The following SELENOP variants were observed in gnomAD, a reference collection of about 807,000 sequenced individuals.
SELENOP encodes selenoprotein P, plasma, 1.
Under a neutral mutation model 41.0 loss-of-function variants are expected in SELENOP, and 36 were observed. That is an observed-to-expected ratio of 0.88 (90% confidence interval 0.67 to 1.16). The LOEUF is 1.16. Ranked by LOEUF, SELENOP falls within the 50% of genes most tolerant of loss-of-function variation. The pLI is 0.00. For synonymous variants in SELENOP, 144 were observed against 150.8 expected, an observed-to-expected ratio of 0.95 and a Z score of 0.33; for missense variants, 440 against 454.2, an observed-to-expected ratio of 0.97 and a Z score of 0.28.
Position 42,802,378 on chromosome 5 carries a change from G to C in SELENOP, c.535-1047C>G, listed in dbSNP as rs1760226930. 4 of 152,148 alleles carry C rather than the reference G, an allele frequency of 2.6e-5. No homozygotes were observed. The South Asian group carries it at 6.2e-4, about 24-fold the overall frequency. 9.4% of individuals were successfully genotyped at this position (152,148 alleles called of 1,614,324 possible). ...AACCCAAAGACTCACTAAGTGATAT[G>C]CTTTTGATGTTTTGAAGGTTTTAAA... On this transcript the variant is annotated intron_variant, in intron 4 of 4. Transcript: ENST00000514985.
intron 1 of SELENOP, among the ~76,000 whole-genome samples, chr5:42,808,631 G>A (rs976150196): frequency 1.3e-5 from 2 of 152,038 alleles, no homozygotes; most frequent in African/African-American, 4.8e-5. Context: ...GGGATAGGCC[G>A]GGTGTGGTGG....
intron 3 of SELENOP, chr5:42,806,655 G>A (rs983126741): frequency 1.7e-5 from 5 of 300,250 alleles, no homozygotes; most frequent in Non-Finnish European, 2.5e-5. Context: ...AGAAAGAAGA[G>A]GAAGGATATG....
chr5:42,802,023 T>G (rs1048295817), intron 4 of SELENOP: 7 of 152,358 alleles, frequency 4.6e-5, no homozygotes, highest in African/African-American at 1.7e-4. Flanking sequence ...AATCTAATAT[T>G]ATCTCTGATA....
chr5:42,809,600 G>A (rs1360799229), intron 1 of SELENOP, among the ~76,000 whole-genome samples: 3 of 152,166 alleles, frequency 2.0e-5, no homozygotes, highest in African/African-American at 7.2e-5. Context: ...TTCTTTGGAG[G>A]TGGGGAGCTA....
At chr5:42,803,327 G>A (rs952408853) in intron 4 of SELENOP, among the ~76,000 whole-genome samples, 3 of 151,982 alleles carry the variant, frequency 2.0e-5, no homozygotes, top group Admixed American at 6.5e-5. Context: ...ATTATAATTA[G>A]TATTTATTAA....
Position 42,801,339 on chromosome 5 carries a change from A to C in SELENOP, c.535-8T>G. On this transcript the variant is annotated splice_region_variant and splice_polypyrimidine_tract_variant and intron_variant, in intron 4 of 4. Coordinates refer to ENST00000514985, the MANE Select transcript of SELENOP (RefSeq NM_005410.4). Reference sequence around the variant, plus strand: ...GTCTTCATCTTTGAGAGTCTGGAACAAATTTATAAATCACTTTTTAACAAG... The same window carrying C: ...GTCTTCATCTTTGAGAGTCTGGAACCAATTTATAAATCACTTTTTAACAAG... 6.3e-7 allele frequency: 1 copy of C among 1,582,344 alleles called. No individual in the cohort carries two copies. Among genetic ancestry groups the C allele is most frequent in the Non-Finnish European group, 8.6e-7 (1 of 1,165,876 alleles).
chr5:42,807,419 A>C lies in SELENOP; in HGVS notation c.204-311T>G, dbSNP rs571173210. Reference sequence around the variant, plus strand: ...TGGATTCAACCAACCACAGATAAAAAATGGTTGGAAAAAAAAAGATGGCTG... The same window carrying C: ...TGGATTCAACCAACCACAGATAAAACATGGTTGGAAAAAAAAAGATGGCTG... On this transcript the variant is annotated intron_variant, in intron 2 of 4. Transcript: ENST00000514985. 11 of 176,276 alleles carry C rather than the reference A, an allele frequency of 6.2e-5. No individual in the cohort carries two copies. The South Asian group carries it at 1.6e-3, about 25-fold the overall frequency. The allele number at this position is 176,276 out of a possible 1,614,324, so 10.9% of individuals were successfully genotyped here. A position where few individuals can be genotyped will look rare whatever the true frequency, so the allele number is the denominator to read the frequency against.
At chr5:42,804,828 ACT>A in intron 3 of SELENOP, 55 bp from the exon 4 acceptor site, 1 of 1,119,974 alleles carries the variant, frequency 8.9e-7, no homozygotes, top group Non-Finnish European at 1.3e-6. Flanking sequence ...TCACGATCCT[ACT>A]CAAATACAGT....
At chr5:42,807,551 G>A (rs1760360012) in intron 2 of SELENOP, 1 of 159,134 alleles carries the variant, frequency 6.3e-6, no homozygotes, top group Non-Finnish European at 1.4e-5. Context: ...GGTATTATAA[G>A]TAATCTAGAG....
At chr5:42,804,622 CTT>C (rs775287160) in intron 4 of SELENOP, 32 bp downstream of exon 4, 157 of 1,261,396 alleles carry the variant, frequency 1.2e-4, no homozygotes, top group Non-Finnish European at 1.6e-4. Context: ...AAGATTTCCT[CTT>C]TTCTCCCCAG....
At chr5:42,801,852 G>C (rs1435220784) in intron 4 of SELENOP, 1 of 153,380 alleles carries the variant, frequency 6.5e-6, no homozygotes, top group Non-Finnish European at 1.5e-5. Context: ...GCAAGATGGA[G>C]GTTGCAGTGA....
intron 3 of SELENOP, 173 bp from the exon 4 acceptor site, chr5:42,804,946 C>G: frequency 2.3e-6 from 1 of 437,562 alleles, no homozygotes; most frequent in Non-Finnish European, 4.1e-6. Flanking sequence ...TACTGCACAC[C>G]AGGTCAGGTC....
chr5:42,802,037 C>T (rs889790827), intron 4 of SELENOP: 4 of 152,180 alleles, frequency 2.6e-5, no homozygotes, highest in African/African-American at 9.7e-5. Context: ...TCTGATAATT[C>T]AAAAATGCTA....
intron 4 of SELENOP, 49 bp from the exon 5 acceptor site, chr5:42,801,380 A>G (rs376734713): frequency 1.5e-6 from 2 of 1,349,752 alleles, no homozygotes; most frequent in African/African-American, 2.9e-5. Context: ...AGAGATAGGA[A>G]TAATGCGTGA....
chr5:42,806,842 A>G lies in SELENOP; in HGVS notation c.416+54T>C, dbSNP rs1043709122. 1.1e-5 allele frequency: 11 copies of G among 987,144 alleles called. No individual in the cohort carries two copies. In the South Asian group the frequency reaches 1.3e-4, roughly 12 times the overall value. The allele number at this position is 987,144 out of a possible 1,614,324, so 61.1% of individuals were successfully genotyped here. On this transcript the variant is annotated intron_variant, in intron 3 of 4. Coordinates refer to ENST00000514985, the MANE Select transcript of SELENOP (RefSeq NM_005410.4). ...TATGTGTGATGGGAAGTAAATAAAT[A>G]GATACGAAACAGTTATTTTTAAATT...
chr5:42,802,256 C>G (rs1226452107), intron 4 of SELENOP: 4 of 152,096 alleles, frequency 2.6e-5, no homozygotes, highest in African/African-American at 9.7e-5. Flanking sequence ...TTTTGTGGTA[C>G]CTACTAATCA....
Position 42,800,829 on chromosome 5 carries a change from C to T in SELENOP, c.1037G>A (p.Arg346His), listed in dbSNP as rs760084196. 2.4e-5 allele frequency: 39 copies of T among 1,614,088 alleles called. No individual in the cohort carries two copies. The highest frequency in any genetic ancestry group is 6.6e-5 in the South Asian group (6 of 91,088). The part of the protein sequence containing the change: ...EENITESCQU[R>H]LPPAAUQISQ... Reference sequence around the variant, plus strand: ...TATTTGTCAGGCAGCTGGAGGCAAACGTCACTGACAAGATTCAGTTATGTT... The same window carrying T: ...TATTTGTCAGGCAGCTGGAGGCAAATGTCACTGACAAGATTCAGTTATGTT... The change falls in exon 5 of 5, where the codon CGT becomes CAT. Residue 346 changes from arginine (R) to histidine (H), a missense_variant. Coordinates refer to ENST00000514985, the MANE Select transcript of SELENOP (RefSeq NM_005410.4).
At chr5:42,801,578 G>T (rs1760204064) in intron 4 of SELENOP, 1 of 453,934 alleles carries the variant, frequency 2.2e-6, no homozygotes, top group Admixed American at 3.9e-5. Flanking sequence ...ACTGGCAAAA[G>T]GAACTTGGAT....
chr5:42,809,918 G>C (rs1053983414), intron 1 of SELENOP: 1 of 192,024 alleles, frequency 5.2e-6, no homozygotes, highest in African/African-American at 2.4e-5. Context: ...GATATATTTG[G>C]ACTGTTTCTA....
Sources: allele counts gnomAD v4.1 joint callset (sites outside exome capture counted in the v4.1 genomes callset), GRCh38; gene constraint gnomAD v4.1.1; transcripts MANE v1.5; gene names NCBI Gene and HGNC (gene_info 2026-07-23, HGNC 2026-07-21).